Variants in STOX2 observed in about 807,000 individuals in gnomAD.
The protein encoded by STOX2 is storkhead box 2, also known as storkhead-box protein 2.
In STOX2, 28 loss-of-function variants were observed where a neutral mutation model predicts 60.9. The observed-to-expected ratio is 0.46, with a 90% CI of 0.34 to 0.63. The LOEUF (loss-of-function observed/expected upper bound fraction) is 0.63. Among genes scored for constraint, STOX2 ranks in the 30% least tolerant of loss-of-function variants. The pLI is 0.01. For synonymous variants in STOX2, 472 were observed against 463.9 expected (o/e 1.02, Z -0.22); for missense variants, 1,024 against 1,187.7 (o/e 0.86, Z 2.03).
intron 1 of STOX2, among the ~76,000 whole-genome samples, chr4:183,969,626 G>GT (rs36043193): frequency 0.058 from 8,536 of 148,060 alleles, 286 homozygotes; most frequent in Admixed American, 0.082. Flanking sequence ...GGGTTGCAGG[G>GT]TTTTTTTTTT....
At chr4:183,812,147 G>T (rs963807175) in intron 1 of STOX2, among the ~76,000 whole-genome samples, 1 of 152,078 alleles carries the variant, frequency 6.6e-6, no homozygotes, top group Admixed American at 6.5e-5. Flanking sequence ...GCCCAGGCAG[G>T]TCTCAAACTC....
At chr4:183,875,281 C>T (rs1333541576) in intron 1 of STOX2, among the ~76,000 whole-genome samples, 2 of 152,114 alleles carry the variant, frequency 1.3e-5, no homozygotes, top group Non-Finnish European at 2.9e-5. Context: ...CTTTCTCTCC[C>T]TTCCCTCCGC....
rs1197896115 is a variant in STOX2 at position 183,865,557 on chromosome 4, A to G, written c.364+67502A>G. 7.9e-5 allele frequency among the ~76,000 whole-genome samples: 12 copies of G among 152,252 alleles called. No homozygotes were observed. The highest frequency in any genetic ancestry group is 7.8e-4 in the Admixed American group (12 of 15,292). On this transcript the variant is annotated intron_variant, in intron 1 of 2. Coordinates refer to the STOX2 transcript ENST00000513034. The surrounding 1 kb of genome is among the most constrained non-coding windows in gnomAD (Gnocchi z 4.1). ...GACCTTGTTAGTAGTATCAAAAAGC[A>G]TTATAGGATACAGGAATGAGGATGG...
At chr4:183,988,591 G>A (rs1284337762) in intron 1 of STOX2, 1 of 152,522 alleles carries the variant, frequency 6.6e-6, no homozygotes, top group African/African-American at 2.4e-5. Context: ...GATCTACGAA[G>A]GTAAAGTACC....
intron 1 of STOX2, among the ~76,000 whole-genome samples, chr4:183,815,361 C>G (rs1739131312): frequency 6.6e-6 from 1 of 151,986 alleles, no homozygotes; most frequent in Non-Finnish European, 1.5e-5. Flanking sequence ...GAGGCTTAAT[C>G]TTAGCAAAAT....
At chr4:183,905,238 G>T (rs1298809623), upstream of STOX2, 1 of 152,316 alleles carries the variant, frequency 6.6e-6, no homozygotes, top group African/African-American at 2.4e-5. Flanking sequence ...AGGCCCGGGC[G>T]GCGCATTGGC....
chr4:183,990,578 ATTTTTTTTTTTTTTTTTTTTTTT>A (rs57369052), intron 1 of STOX2, among the ~76,000 whole-genome samples: 6 of 82,440 alleles, frequency 7.3e-5, no homozygotes, highest in Non-Finnish European at 1.1e-4. Flanking sequence ...AAAAAGCAGG[ATTTTTTTTTTTTTTTTTTTTTTT>A]TTTTTTTTTT....
intron 1 of STOX2, among the ~76,000 whole-genome samples, chr4:183,951,008 G>A (rs537780405): frequency 3.9e-5 from 6 of 152,110 alleles, no homozygotes; most frequent in East Asian, 1.9e-4. Flanking sequence ...GAGGTCAGGA[G>A]ATCGAGACCA....
intron 1 of STOX2, among the ~76,000 whole-genome samples, chr4:183,829,052 A>G (rs6839403): frequency 0.089 from 13,582 of 152,266 alleles, 1,973 homozygotes; most frequent in African/African-American, 0.31. Flanking sequence ...TTTTATGGCA[A>G]CATTTATAAA....
chr4:183,858,150 C>CCCT (rs1740346571), intron 1 of STOX2, among the ~76,000 whole-genome samples: 2 of 152,212 alleles, frequency 1.3e-5, no homozygotes, highest in Non-Finnish European at 2.9e-5. Flanking sequence ...CCTGACCTCA[C>CCCT]TGCACAGCCC....
intron 1 of STOX2, among the ~76,000 whole-genome samples, chr4:183,875,361 A>T (rs1027139951): frequency 2.0e-5 from 3 of 152,112 alleles, no homozygotes; most frequent in Non-Finnish European, 2.9e-5. Context: ...GGGCAGGGGA[A>T]GGAGGCAATT....
chr4:183,929,715 G>T (rs1271266319), intron 1 of STOX2, among the ~76,000 whole-genome samples: 1 of 152,182 alleles, frequency 6.6e-6, no homozygotes, highest in Admixed American at 6.5e-5. Context: ...TAGCAGTATT[G>T]TATGCTGAAG....
At chr4:184,005,696 C>T (rs1733796601) in intron 2 of STOX2, among the ~76,000 whole-genome samples, 1 of 152,182 alleles carries the variant, frequency 6.6e-6, no homozygotes, top group Non-Finnish European at 1.5e-5. Flanking sequence ...TCACAACCAT[C>T]ACTTTCTCAG....
intron 1 of STOX2, among the ~76,000 whole-genome samples, chr4:183,950,938 G>C (rs985881850): frequency 1.3e-5 from 2 of 152,124 alleles, no homozygotes; most frequent in African/African-American, 4.8e-5. Flanking sequence ...TAGTGCGGCC[G>C]GGCGCGGTGG....
intron 1 of STOX2, among the ~76,000 whole-genome samples, chr4:183,820,350 G>A (rs1345226381): frequency 1.3e-5 from 2 of 152,144 alleles, no homozygotes; most frequent in African/African-American, 2.4e-5. Flanking sequence ...GTGAGGAGGT[G>A]GGCCACTCCA....
chr4:184,005,805 C>T (rs1315847988), intron 2 of STOX2, among the ~76,000 whole-genome samples: 1 of 152,244 alleles, frequency 6.6e-6, no homozygotes, highest in East Asian at 1.9e-4. Context: ...AAGCAACTTT[C>T]AGTTAAGTCT....
At chr4:183,950,997 C>G (rs954456493) in intron 1 of STOX2, among the ~76,000 whole-genome samples, 2 of 151,844 alleles carry the variant, frequency 1.3e-5, no homozygotes, top group East Asian at 3.9e-4. Flanking sequence ...GGGCGGATCA[C>G]GAGGTCAGGA....
At chr4:183,942,081 G>A (rs902551718) in intron 1 of STOX2, among the ~76,000 whole-genome samples, 6 of 152,246 alleles carry the variant, frequency 3.9e-5, no homozygotes, top group Non-Finnish European at 5.9e-5. Context: ...TGCCTGATGT[G>A]TAAACAGCAA....
intron 1 of STOX2, among the ~76,000 whole-genome samples, chr4:183,820,165 T>A (rs888549220): frequency 2.6e-5 from 4 of 152,196 alleles, no homozygotes; most frequent in Non-Finnish European, 5.9e-5. Context: ...CCTCAAGTGA[T>A]CCTCCCGCCT....
Sources: allele counts gnomAD v4.1 joint callset (sites outside exome capture counted in the v4.1 genomes callset), GRCh38; gene constraint gnomAD v4.1.1; non-coding constraint Gnocchi (gnomAD v3.1); transcripts MANE v1.5; gene names NCBI Gene and HGNC (gene_info 2026-07-23, HGNC 2026-07-21).